USP1: variants seen among roughly 807,000 people sequenced by gnomAD.
USP1 encodes the protein ubiquitin specific peptidase 1, also known as ubiquitin carboxyl-terminal hydrolase 1.
USP1 carries 18 observed loss-of-function variants against 72.2 expected under a neutral mutation model. The observed-to-expected ratio is 0.25, with a 90% CI of 0.17 to 0.37. The LOEUF (loss-of-function observed/expected upper bound fraction) is 0.37, where lower values mean the gene tolerates loss of function less well. Among genes scored for constraint, USP1 ranks in the 10% least tolerant of loss-of-function variants. USP1 has a pLI of 1.00. For missense variants in USP1, 759 were observed against 884.9 expected (o/e 0.86, Z 1.81); for synonymous variants, 354 against 303.7 (o/e 1.17, Z -1.72).
intron 7 of USP1, 91 bp downstream of exon 7, chr1:62,447,602 G>A: frequency 7.0e-7 from 1 of 1,425,004 alleles, no homozygotes. Context: ...TGTAATTAGG[G>A]AGGGGAAAAA....
At position 62,442,306 on chromosome 1, in the gene USP1, AAAAT is replaced by A. The variant is rs1645139597; in HGVS notation, c.396+11_396+14del. On this transcript the variant is annotated splice_region_variant and intron_variant, in intron 4 of 8. Transcript: ENST00000339950. ...AGCCAATCAAAAAGACAAGGTAAGAAAAATAAAGAACAGAAAATAATGTAAAAAG... is the reference window on the plus strand; with the variant it reads ...AGCCAATCAAAAAGACAAGGTAAGAAAAAGAACAGAAAATAATGTAAAAAG... 2 of 1,559,272 alleles carry A rather than the reference AAAAT, an allele frequency of 1.3e-6. No homozygotes were observed. Among genetic ancestry groups the A allele is most frequent in the South Asian group, 1.2e-5 (1 of 84,538 alleles).
intron 4 of USP1, among the ~76,000 whole-genome samples, chr1:62,442,756 T>C (rs1253186664): frequency 1.3e-5 from 2 of 152,118 alleles, no homozygotes; most frequent in Non-Finnish European, 2.9e-5. Context: ...TCCCAGCAGT[T>C]TGGGAGGTCA....
intron 7 of USP1, among the ~76,000 whole-genome samples, chr1:62,448,066 G>A (rs555962802): frequency 1.3e-5 from 2 of 152,308 alleles, no homozygotes; most frequent in African/African-American, 2.4e-5. Flanking sequence ...GATTACAGGC[G>A]TGAGCCACCG....
intron 6 of USP1, among the ~76,000 whole-genome samples, chr1:62,445,729 A>G (rs1645167379): frequency 6.6e-6 from 1 of 152,180 alleles, no homozygotes; most frequent in Non-Finnish European, 1.5e-5. Context: ...CTGCAATCCC[A>G]GTACTTTGGG....
rs147533515 is a variant in USP1, at chr1:62,450,701, C to T, written c.2078C>T (p.Thr693Ile). 41 of 1,613,978 alleles carry T rather than the reference C, an allele frequency of 2.5e-5. No homozygotes were observed. Among genetic ancestry groups the T allele is most frequent in the Non-Finnish European group, 3.2e-5 (38 of 1,180,018 alleles). Reference sequence around the variant, plus strand: ...TCTAATCCTGATAAGGTTGCTAGTACAGCGTTTGCTGAAAATAGAAATTCT... The same window carrying T: ...TCTAATCCTGATAAGGTTGCTAGTATAGCGTTTGCTGAAAATAGAAATTCT... Reference protein sequence around the residue: ...KASNPDKVASTAFAENRNSET... With the variant: ...KASNPDKVASIAFAENRNSET... The change falls in exon 9 of 9, where the codon ACA becomes ATA. Residue 693 changes from threonine (T) to isoleucine (I), a missense_variant. By Grantham distance (89) the Thr-to-Ile change is moderately conservative. Transcript: ENST00000339950.
rs1366937487 is a variant in USP1 at position 62,451,374 on chromosome 1, A to G, written c.*393A>G. ...TATAGTTCCTGTGGTTTTTCACCCA[A>G]GAAGCAGAATCTCATTCAGTACATT... On this transcript the variant is annotated 3_prime_UTR_variant, in exon 9 of 9. Transcript: ENST00000339950. 6.3e-6 allele frequency: 1 copy of G among 157,820 alleles called. No individual in the cohort carries two copies. The highest frequency in any genetic ancestry group is 1.4e-5 in the Non-Finnish European group (1 of 71,794). The allele number at this position is 157,820 out of a possible 1,614,324, so 9.8% of individuals were successfully genotyped here.
intron 4 of USP1, 65 bp downstream of exon 4, chr1:62,442,364 C>G: frequency 3.3e-6 from 4 of 1,220,150 alleles, no homozygotes; most frequent in Non-Finnish European, 3.4e-6. Flanking sequence ...AATTTACTTG[C>G]CTGGAAATGA....
intron 5 of USP1, among the ~76,000 whole-genome samples, chr1:62,443,567 T>G (rs191179807): frequency 6.6e-6 from 1 of 152,346 alleles, no homozygotes; most frequent in East Asian, 1.9e-4. Context: ...AACGTGAATA[T>G]TCATACATGC....
intron 8 of USP1, among the ~76,000 whole-genome samples, chr1:62,449,384 GT>G (rs2149208099): frequency 6.6e-6 from 1 of 152,230 alleles, no homozygotes; most frequent in South Asian, 2.1e-4. Flanking sequence ...AATGCTGATT[GT>G]TTTGGATAGT....
chr1:62,446,229 A>C (rs1645172559), intron 6 of USP1, among the ~76,000 whole-genome samples: 1 of 152,200 alleles, frequency 6.6e-6, no homozygotes, highest in African/African-American at 2.4e-5. Context: ...CGTACTACAC[A>C]ACTAGCCTAT....
chr1:62,442,107 G>A (rs1645138197), intron 3 of USP1, 88 bp from the exon 4 acceptor site: 5 of 907,886 alleles, frequency 5.5e-6, no homozygotes, highest in Non-Finnish European at 8.3e-6. Context: ...CATGTTAAAA[G>A]TGCTCTATAG....
At chr1:62,442,610 T>C (rs1005978997) in intron 4 of USP1, among the ~76,000 whole-genome samples, 2 of 152,202 alleles carry the variant, frequency 1.3e-5, no homozygotes, top group African/African-American at 4.8e-5. Flanking sequence ...CAAATTGAGT[T>C]AAAATTTAAA....
At chr1:62,436,904 C>G (rs1571125838), upstream of USP1, 1 of 388,988 alleles carries the variant, frequency 2.6e-6, no homozygotes, top group African/African-American at 2.1e-5. Context: ...CCGTGCGTGC[C>G]AGGGGCGAGT....
chr1:62,438,084 A>T (rs371732732), intron 1 of USP1, among the ~76,000 whole-genome samples: 1 of 151,746 alleles, frequency 6.6e-6, no homozygotes, highest in Non-Finnish European at 1.5e-5. Context: ...AGCAAGGAAG[A>T]TACTGCACCT....
chr1:62,444,309 G>T (rs1271573387), intron 5 of USP1, among the ~76,000 whole-genome samples: 1 of 150,392 alleles, frequency 6.6e-6, no homozygotes, highest in African/African-American at 2.5e-5. Context: ...GCCAAGAGCG[G>T]GTTTGAATAC....
rs1387867597 is a variant in USP1, at chr1:62,450,672, A to T, written c.2049A>T (p.Lys683Asn). ...AAGCAGATTATGAGCTATACAACAA[A>T]GCCTCTAATCCTGATAAGGTTGCTA... ...KSKADYELYN[K>N]ASNPDKVAST... is the part of the protein sequence containing the mutation. The change falls in exon 9 of 9, where the codon AAA (lysine) becomes AAT (asparagine). Residue 683 changes from lysine to asparagine, a missense_variant. Physicochemically the swap from Lys to Asn is moderately conservative, Grantham distance 94. Around this residue, in one of 9 missense-constraint regions of USP1, gnomAD observed 159 missense variants for 140.9 expected, o/e 1.13. Transcript: ENST00000339950. The T allele has an allele frequency of 6.2e-7, 1 of 1,614,178 alleles. No homozygotes were observed. The highest frequency in any genetic ancestry group is 8.5e-7 in the Non-Finnish European group (1 of 1,180,012).
chr1:62,442,173 A>C (rs1347781068), intron 3 of USP1, 22 bp from the exon 4 acceptor site: 1 of 1,472,272 alleles, frequency 6.8e-7, no homozygotes, highest in African/African-American at 1.4e-5. Flanking sequence ...GTAAACACTT[A>C]AGACAATCTC....
intron 3 of USP1, 73 bp from the exon 4 acceptor site, chr1:62,442,122 C>A: frequency 9.7e-7 from 1 of 1,030,820 alleles, no homozygotes; most frequent in Non-Finnish European, 1.4e-6. Flanking sequence ...CTATAGAAAG[C>A]ATGATGTTGT....
Position 62,441,593 on chromosome 1 carries a change from T to C in USP1, c.276T>C (p.Leu92=). 6.2e-7 allele frequency: 1 copy of C among 1,610,628 alleles called. No homozygotes were observed. Among genetic ancestry groups the C allele is most frequent in the Non-Finnish European group, 8.5e-7 (1 of 1,179,062 alleles). The change falls in exon 3 of 9, where the codon CTT becomes CTC. Residue 92 remains leucine, a synonymous_variant. Transcript: ENST00000339950. ...GLNNLGNTCY[L]NSILQVLYFC... Reference sequence around the variant, plus strand: ...ATAATCTCGGCAATACTTGCTATCTTAATAGTATACTTCAGGTAAATTGAC... The same window carrying C: ...ATAATCTCGGCAATACTTGCTATCTCAATAGTATACTTCAGGTAAATTGAC...
Sources: gnomAD v4.1 joint callset for allele counts (sites outside exome capture counted in the v4.1 genomes callset) on GRCh38, gnomAD v4.1.1 for gene constraint, gnomAD v4.1.1 regional missense constraint, MANE v1.5 for transcripts, NCBI Gene and HGNC (gene_info 2026-07-23, HGNC 2026-07-21) for gene names.